Variants in ATL1 observed in about 807,000 individuals in gnomAD.
The protein encoded by ATL1 is atlastin GTPase 1.
A neutral mutation model predicts 75.5 loss-of-function variants in ATL1; 31 were observed. The ratio of observed to expected loss-of-function variants is 0.41; its 90% CI spans 0.31 to 0.55. The LOEUF (loss-of-function observed/expected upper bound fraction) is 0.55. ATL1 is among the 20% of genes least tolerant of loss of function. The pLI is 0.27. For missense variants in ATL1, 405 were observed against 662.6 expected, an observed-to-expected ratio of 0.61 and a Z score of 4.27; for synonymous variants, 226 against 233.3, an observed-to-expected ratio of 0.97 and a Z score of 0.28.
At chr14:50,547,029 A>ACACCAGGAACAGGCCCTG (rs2038642077) in intron 1 of ATL1, among the ~76,000 whole-genome samples, 1 of 152,060 alleles carries the variant, frequency 6.6e-6, no homozygotes, top group East Asian at 1.9e-4. Flanking sequence ...CTCACTCATA[A>ACACCAGGAACAGGCCCTG]GTGGGAGTTG....
intron 1 of ATL1, chr14:50,571,925 G>A: frequency 3.4e-6 from 1 of 293,988 alleles, no homozygotes; most frequent in Non-Finnish European, 6.5e-6. Context: ...TACATTCCAA[G>A]TCTTCTAACA....
chr14:50,629,040 A>G (rs1367943367), intron 12 of ATL1, among the ~76,000 whole-genome samples: 2 of 152,184 alleles, frequency 1.3e-5, no homozygotes, highest in Non-Finnish European at 2.9e-5. Flanking sequence ...AAAATGTTAT[A>G]TCTATTAAAA....
intron 8 of ATL1, among the ~76,000 whole-genome samples, chr14:50,618,961 G>C (rs964036743): frequency 6.6e-6 from 1 of 151,820 alleles, no homozygotes; most frequent in Non-Finnish European, 1.5e-5. Flanking sequence ...CACAATCTTG[G>C]CTCACTGCAA....
intron 1 of ATL1, among the ~76,000 whole-genome samples, chr14:50,585,403 A>C (rs186319902): frequency 6.6e-6 from 1 of 152,276 alleles, no homozygotes; most frequent in African/African-American, 2.4e-5. Flanking sequence ...TATTATGTCT[A>C]GCTTGGGTCT....
chr14:50,538,697 A>G (rs1056714120), intron 1 of ATL1, among the ~76,000 whole-genome samples: 2 of 152,206 alleles, frequency 1.3e-5, no homozygotes, highest in African/African-American at 4.8e-5. Context: ...GGATTCCAGT[A>G]AGTTCTCCTT....
intron 1 of ATL1, among the ~76,000 whole-genome samples, chr14:50,582,117 C>T (rs373828034): frequency 7.2e-4 from 109 of 152,004 alleles, no homozygotes; most frequent in Middle Eastern, 3.4e-3. Flanking sequence ...CCCATCTCTA[C>T]TAAAAATACA....
rs74702529 is a variant in ATL1 at position 50,542,104 on chromosome 14, T to G, written c.-140+8737T>G. 5.8e-3 allele frequency among the ~76,000 whole-genome samples: 872 copies of G among 150,474 alleles called. 13 individuals carry two copies. The highest frequency in any genetic ancestry group is 0.02 in the African/African-American group (821 of 40,890). On this transcript the variant is annotated intron_variant, in intron 1 of 13. Transcript: ENST00000441560. ...TCTGTTTGAAAGGCAACTCTTGATT[T>G]ACTTCTAGGTCTTAGTAGAGGCTAG...
intron 1 of ATL1, among the ~76,000 whole-genome samples, chr14:50,551,402 A>T (rs558522610): frequency 2.0e-5 from 3 of 152,222 alleles, no homozygotes; most frequent in Admixed American, 6.5e-5. Flanking sequence ...CCAAAAAAAA[A>T]ATTTCAGGAT....
At chr14:50,618,250 C>A (rs1039624924) in intron 8 of ATL1, among the ~76,000 whole-genome samples, 2 of 151,818 alleles carry the variant, frequency 1.3e-5, no homozygotes, top group Non-Finnish European at 2.9e-5. Flanking sequence ...AATCATATAG[C>A]AAAAAAGAAA....
intron 1 of ATL1, among the ~76,000 whole-genome samples, chr14:50,575,515 A>G (rs1215989003): frequency 6.6e-6 from 1 of 152,150 alleles, no homozygotes; most frequent in African/African-American, 2.4e-5. Flanking sequence ...GTCTCTGTAT[A>G]AACTCTTTTG....
intron 6 of ATL1, 104 bp from the exon 7 acceptor site, chr14:50,613,155 A>G: frequency 1.1e-6 from 1 of 892,124 alleles, no homozygotes; most frequent in Non-Finnish European, 1.9e-6. Context: ...GCAATGTGGG[A>G]AAGAACGATA....
upstream of ATL1, among the ~76,000 whole-genome samples, chr14:50,557,275 C>T (rs2038776017): frequency 6.6e-6 from 1 of 152,146 alleles, no homozygotes; most frequent in Non-Finnish European, 1.5e-5. Context: ...AATATCAGTC[C>T]CCTTAATCCC....
chr14:50,570,588 A>C (rs2038945953), intron 1 of ATL1, among the ~76,000 whole-genome samples: 1 of 151,922 alleles, frequency 6.6e-6, no homozygotes. Flanking sequence ...TTTTTACTGA[A>C]ATTTGTATTT....
intron 1 of ATL1, among the ~76,000 whole-genome samples, chr14:50,585,464 G>A (rs1250743232): frequency 3.9e-5 from 6 of 152,222 alleles, no homozygotes; most frequent in South Asian, 2.1e-4. Context: ...GGCAAGGAGC[G>A]TCATCAAATA....
chr14:50,546,384 G>A (rs898073794), intron 1 of ATL1, among the ~76,000 whole-genome samples: 2 of 151,584 alleles, frequency 1.3e-5, no homozygotes, highest in African/African-American at 2.4e-5. Context: ...GTGTGTGCGT[G>A]TGTGTGTGTG....
At chr14:50,578,395 A>G (rs1157835541) in intron 1 of ATL1, among the ~76,000 whole-genome samples, 1 of 152,184 alleles carries the variant, frequency 6.6e-6, no homozygotes, top group Admixed American at 6.5e-5. Flanking sequence ...ACAAAGGCAG[A>G]CAAGGAAAGG....
At chr14:50,560,827 G>A (rs2038833749) in intron 1 of ATL1, among the ~76,000 whole-genome samples, 1 of 152,206 alleles carries the variant, frequency 6.6e-6, no homozygotes, top group Non-Finnish European at 1.5e-5. Flanking sequence ...GAGCGCGCCG[G>A]GTCCCGGACG....
intron 1 of ATL1, among the ~76,000 whole-genome samples, chr14:50,544,924 G>A (rs922112889): frequency 4.9e-5 from 6 of 122,826 alleles, no homozygotes; most frequent in Non-Finnish European, 8.1e-5. Flanking sequence ...GTGACAGAGT[G>A]AGACCCACTC....
At chr14:50,605,308 G>A (rs995948323) in intron 6 of ATL1, among the ~76,000 whole-genome samples, 2 of 150,450 alleles carry the variant, frequency 1.3e-5, no homozygotes, top group Non-Finnish European at 2.9e-5. Flanking sequence ...ATAGAGAACA[G>A]AGGATATTTT....
Sources: gnomAD v4.1 joint callset for allele counts (sites outside exome capture counted in the v4.1 genomes callset) on GRCh38, gnomAD v4.1.1 for gene constraint, MANE v1.5 for transcripts, NCBI Gene and HGNC (gene_info 2026-07-23, HGNC 2026-07-21) for gene names.